Variants in PITPNM2 observed in about 807,000 individuals in gnomAD.
PITPNM2 encodes the protein phosphatidylinositol transfer protein membrane associated 2.
Under a neutral mutation model 132.2 loss-of-function variants are expected in PITPNM2, and 35 were observed. That is an observed-to-expected ratio of 0.26 (90% CI 0.20 to 0.35). The LOEUF is 0.35. Among genes scored for constraint, PITPNM2 ranks in the 10% least tolerant of loss-of-function variants. The pLI is 1.00. For missense variants in PITPNM2, 1,332 were observed against 1,912.0 expected (o/e 0.70, Z 5.66); for synonymous variants, 738 against 799.2 (o/e 0.92, Z 1.29).
Position 123,022,715 on chromosome 12 carries a change from A to G in PITPNM2, c.79-8673T>C, listed in dbSNP as rs1226886180. 1.3e-5 allele frequency among the ~76,000 whole-genome samples: 2 copies of G among 152,220 alleles called. No homozygotes were observed. Among genetic ancestry groups the G allele is most frequent in the African/African-American group, 4.8e-5 (2 of 41,452 alleles). ...GTAGTGCAGAGACAGAGAAGCAGCC[A>G]CAGATTGCATTAAACTGCAGAAACC... On this transcript the variant is annotated intron_variant, in intron 3 of 25. Coordinates refer to ENST00000320201, the MANE Select transcript of PITPNM2 (RefSeq NM_020845.3). This position sits in a 1 kb window ranked among gnomAD's most constrained non-coding sequence, Gnocchi z 4.9.
Position 122,990,537 on chromosome 12 carries a change from AT to A in PITPNM2, c.2569+7del, listed in dbSNP as rs2038141540. The stretch of plus-strand genomic sequence containing the variant: ...GAGTGAGGAGGGTGAGGGGCCTGGT[AT>A]ACTCACTCTGGGCGATGCTGGATGC... On this transcript the variant is annotated splice_region_variant and intron_variant, in intron 17 of 25. Transcript: ENST00000320201. 2 of 1,612,514 alleles carry A rather than the reference AT, an allele frequency of 1.2e-6. No individual in the cohort carries two copies. Among genetic ancestry groups the A allele is most frequent in the Admixed American group, 3.3e-5 (2 of 59,972 alleles).
chr12:123,060,504 A>G (rs921967547), intron 2 of PITPNM2, among the ~76,000 whole-genome samples: 2 of 152,204 alleles, frequency 1.3e-5, no homozygotes, highest in Admixed American at 6.5e-5. Flanking sequence ...CTTCCACCCA[A>G]TGCTCACTCA....
intron 2 of PITPNM2, among the ~76,000 whole-genome samples, chr12:123,060,663 G>A (rs1438000968): frequency 6.6e-6 from 1 of 152,214 alleles, no homozygotes; most frequent in South Asian, 2.1e-4. Flanking sequence ...GATGAGGAGC[G>A]CAGAGGCTGC....
rs2038901647 is a variant in PITPNM2 at position 123,005,787 on chromosome 12, AGC to A, written c.644-241_644-240del. On this transcript the variant is annotated intron_variant, in intron 6 of 25. Transcript: ENST00000320201. The surrounding 1 kb of genome is among the most constrained non-coding windows in gnomAD (Gnocchi z 6.2). The stretch of plus-strand genomic sequence containing the variant: ...TAATTAGAGTGGAGGGGCCTCCCAA[AGC>A]AATGTGTCCGGTCAGAAGCCACAGT... 1 of 553,526 alleles carries A rather than the reference AGC, an allele frequency of 1.8e-6. No individual in the cohort carries two copies. The highest frequency in any genetic ancestry group is 3.2e-6 in the Non-Finnish European group (1 of 313,022). 34.3% of individuals were successfully genotyped at this position (553,526 alleles called of 1,614,324 possible). A position where few individuals can be genotyped will look rare whatever the true frequency, so the allele number is the denominator to read the frequency against.
intron 1 of PITPNM2, among the ~76,000 whole-genome samples, chr12:123,134,396 T>C (rs939498997): frequency 6.6e-6 from 1 of 152,044 alleles, no homozygotes; most frequent in East Asian, 1.9e-4. Context: ...CCCAGGACAT[T>C]GGTGATGTGA....
rs1246052350 is a variant in PITPNM2, at chr12:122,994,281, G to C, written c.2233+520C>G. Among the ~76,000 whole-genome samples the C allele has an allele frequency of 1.3e-5, 2 of 152,260 alleles. No homozygotes were observed. Among genetic ancestry groups the C allele is most frequent in the African/African-American group, 4.8e-5 (2 of 41,466 alleles). ...CATGTGTTGCTACTCTCAGGATTGT[G>C]TGGCTCCTGGAGCTTTGCAGGCTGA... is the stretch of plus-strand genomic sequence containing the variant. On this transcript the variant is annotated intron_variant, in intron 15 of 25. Transcript: ENST00000320201. The surrounding 1 kb of genome is among the most constrained non-coding windows in gnomAD (Gnocchi z 5.4).
Position 123,009,587 on chromosome 12 carries a change from G to C in PITPNM2, c.643+263C>G, listed in dbSNP as rs1330317395. ...CGAACTAGGTCAGGAATGTCTGGGGGCAGTGCCTAGGGCTTCTTCATCCAA... is the reference window on the plus strand; with the variant it reads ...CGAACTAGGTCAGGAATGTCTGGGGCCAGTGCCTAGGGCTTCTTCATCCAA... On this transcript the variant is annotated intron_variant, in intron 6 of 25. Coordinates refer to ENST00000320201, the MANE Select transcript of PITPNM2 (RefSeq NM_020845.3). This position sits in a 1 kb window ranked among gnomAD's most constrained non-coding sequence, Gnocchi z 4.8. Among the ~76,000 whole-genome samples, 1 of 152,218 alleles carries C rather than the reference G, an allele frequency of 6.6e-6. No individual in the cohort carries two copies. Among genetic ancestry groups the C allele is most frequent in the Non-Finnish European group, 1.5e-5 (1 of 68,034 alleles).
chr12:123,128,239 T>C (rs2043187516), intron 1 of PITPNM2, among the ~76,000 whole-genome samples: 1 of 103,724 alleles, frequency 9.6e-6, no homozygotes, highest in African/African-American at 4.0e-5. Flanking sequence ...ACCAGCCTAG[T>C]AAACATGGCG....
intron 1 of PITPNM2, among the ~76,000 whole-genome samples, chr12:123,123,292 G>C (rs2043067479): frequency 6.6e-6 from 1 of 152,178 alleles, no homozygotes; most frequent in Admixed American, 6.5e-5. Context: ...ACAACAATAG[G>C]CAGCCATTTG....
chr12:123,078,028 C>T lies in PITPNM2; in HGVS notation c.-96+32357G>A, dbSNP rs755188148. On this transcript the variant is annotated intron_variant, in intron 2 of 25. Coordinates refer to ENST00000320201, the MANE Select transcript of PITPNM2 (RefSeq NM_020845.3). This position sits in a 1 kb window ranked among gnomAD's most constrained non-coding sequence, Gnocchi z 7.3. ...CACGCGTGTCCCCAGGATGGGTGGA[C>T]GGAGGAGCTGGGAGACTGGGCAGGG... Among the ~76,000 whole-genome samples, 4 of 148,164 alleles carry T rather than the reference C, an allele frequency of 2.7e-5. No individual in the cohort carries two copies. The highest frequency in any genetic ancestry group is 3.4e-3 in the Middle Eastern group (1 of 290).
rs999325055 is a variant in PITPNM2 at position 123,009,238 on chromosome 12, C to A, written c.643+612G>T. Among the ~76,000 whole-genome samples the A allele has an allele frequency of 6.6e-6, 1 of 152,194 alleles. No homozygotes were observed. Among genetic ancestry groups the A allele is most frequent in the African/African-American group, 2.4e-5 (1 of 41,440 alleles). On this transcript the variant is annotated intron_variant, in intron 6 of 25. Coordinates refer to ENST00000320201, the MANE Select transcript of PITPNM2 (RefSeq NM_020845.3). The surrounding 1 kb of genome is among the most constrained non-coding windows in gnomAD (Gnocchi z 4.8). The stretch of plus-strand genomic sequence containing the variant: ...TCTTGGAATGACATCATGCTATGAC[C>A]TCGGCAGAGGGGGGTTTAGGGCTCT...
rs895387254 is a variant in PITPNM2, at chr12:123,021,167, C to A, written c.79-7125G>T. On this transcript the variant is annotated intron_variant, in intron 3 of 25. Transcript: ENST00000320201. ...CCCATGCCCCTGCGCAGCCACCCAC[C>A]CTGCCCATGGGCTGAGATCTGCTCC... Among the ~76,000 whole-genome samples the A allele has an allele frequency of 2.0e-5, 3 of 152,148 alleles. 1 individual carries two copies. The highest frequency in any genetic ancestry group is 2.0e-4 in the Admixed American group (3 of 15,284).
At position 122,987,410 on chromosome 12, in the gene PITPNM2, T is replaced by G; in HGVS notation, c.3284A>C (p.Asp1095Ala). ...CTTGGGCAGCACGGTGATGTAGCTG[T>G]CGGCAAACGTGTGGTCTCCCCTGGC... Reference protein sequence around the residue: ...MVVRGDHTFADSYITVLPKGT... With the variant: ...MVVRGDHTFAASYITVLPKGT... Residue 1095 changes from aspartate (D) to alanine (A), a missense_variant, in exon 23 of 26, where the codon GAC (aspartate) becomes GCC (alanine). By Grantham distance (126) the Asp-to-Ala change is moderately radical. Coordinates refer to ENST00000320201, the MANE Select transcript of PITPNM2 (RefSeq NM_020845.3). 1 of 1,613,860 alleles carries G rather than the reference T, an allele frequency of 6.2e-7. No homozygotes were observed. The highest frequency in any genetic ancestry group is 8.5e-7 in the Non-Finnish European group (1 of 1,180,008).
At chr12:123,147,621 A>G (rs1209049680) in intron 1 of PITPNM2, among the ~76,000 whole-genome samples, 1 of 152,198 alleles carries the variant, frequency 6.6e-6, no homozygotes, top group Non-Finnish European at 1.5e-5. Context: ...GCTGATGTTG[A>G]GGGTAATATA....
intron 2 of PITPNM2, among the ~76,000 whole-genome samples, chr12:123,071,776 A>G (rs1167258886): frequency 6.6e-6 from 1 of 152,168 alleles, no homozygotes; most frequent in Non-Finnish European, 1.5e-5. Flanking sequence ...CTCCCATTCC[A>G]CACAATAGGA....
chr12:123,143,369 C>T (rs928990235), intron 1 of PITPNM2, among the ~76,000 whole-genome samples: 1 of 152,144 alleles, frequency 6.6e-6, no homozygotes, highest in African/African-American at 2.4e-5. Context: ...GGAAGGGAAG[C>T]CCCCCAGCTG....
rs1352684528 is a variant in PITPNM2 at position 123,012,672 on chromosome 12, G to A, written c.356C>T (p.Ala119Val). Residue 119 changes from alanine to valine, a missense_variant, in exon 5 of 26, where the codon GCT becomes GTT. Coordinates refer to ENST00000320201, the MANE Select transcript of PITPNM2 (RefSeq NM_020845.3). ...GTTGAACACGTCGGGGTTTTCTCCA[G>A]CATCAGTTTTATAAAAGGTTTCAAT... ...IDIETFYKTD[A>V]GENPDVFNLS... The A allele has an allele frequency of 1.9e-6, 3 of 1,614,108 alleles. No homozygotes were observed. Among genetic ancestry groups the A allele is most frequent in the Non-Finnish European group, 2.5e-6 (3 of 1,179,952 alleles).
At chr12:122,990,937 A>G (rs2038161699) in intron 16 of PITPNM2, among the ~76,000 whole-genome samples, 1 of 152,188 alleles carries the variant, frequency 6.6e-6, no homozygotes, top group Non-Finnish European at 1.5e-5. Flanking sequence ...GACACAGGGC[A>G]GGGAGGCGTG....
intron 1 of PITPNM2, among the ~76,000 whole-genome samples, chr12:123,122,609 C>T (rs747858647): frequency 4.6e-5 from 7 of 152,308 alleles, no homozygotes; most frequent in Non-Finnish European, 7.4e-5. Flanking sequence ...TTCTCAGATA[C>T]TCGGTGGTAA....
Sources: gnomAD v4.1 joint callset for allele counts (sites outside exome capture counted in the v4.1 genomes callset) on GRCh38, gnomAD v4.1.1 for gene constraint, Gnocchi (gnomAD v3.1) non-coding constraint, MANE v1.5 for transcripts, NCBI Gene and HGNC (gene_info 2026-07-23, HGNC 2026-07-21) for gene names.